NEK11: variants seen among roughly 807,000 people sequenced by gnomAD.
NEK11 encodes the protein serine/threonine-protein kinase Nek11.
In NEK11, 72 loss-of-function variants were observed where a neutral mutation model predicts 80.7. That is an observed-to-expected ratio of 0.89 (90% CI 0.74 to 1.08). The LOEUF (loss-of-function observed/expected upper bound fraction) is 1.08, where lower values mean the gene tolerates loss of function less well. NEK11 is among the 50% of genes least tolerant of loss of function. NEK11 has a pLI of 0.00. For missense variants in NEK11, 764 were observed against 763.6 expected (o/e 1.00, Z -0.01); for synonymous variants, 251 against 260.7 (o/e 0.96, Z 0.36).
At chr3:131,049,900 G>T (rs2068066310) in intron 3 of NEK11, among the ~76,000 whole-genome samples, 1 of 151,490 alleles carries the variant, frequency 6.6e-6, no homozygotes, top group Admixed American at 6.6e-5. Flanking sequence ...GTTGTTGCTT[G>T]TGACAACACT....
At chr3:131,257,882 A>C (rs138432478) in intron 16 of NEK11, among the ~76,000 whole-genome samples, 1 of 152,304 alleles carries the variant, frequency 6.6e-6, no homozygotes, top group Non-Finnish European at 1.5e-5. Flanking sequence ...ATGCATGTTT[A>C]TAGCAGCGAT....
intron 3 of NEK11, among the ~76,000 whole-genome samples, chr3:131,076,522 A>G (rs1167163615): frequency 6.6e-6 from 1 of 152,078 alleles, no homozygotes; most frequent in African/African-American, 2.4e-5. Flanking sequence ...AAATCTTAAA[A>G]CCCCTGATTA....
At chr3:131,121,608 C>T (rs1207211100) in intron 5 of NEK11, among the ~76,000 whole-genome samples, 1 of 152,168 alleles carries the variant, frequency 6.6e-6, no homozygotes, top group Non-Finnish European at 1.5e-5. Context: ...GGCAGGCAGG[C>T]CTCCTTGAAC....
intron 14 of NEK11, among the ~76,000 whole-genome samples, chr3:131,178,086 A>G (rs1204061065): frequency 6.6e-6 from 1 of 152,218 alleles, no homozygotes; most frequent in Non-Finnish European, 1.5e-5. Context: ...AACACAGAAA[A>G]TAGACAGTAA....
chr3:131,103,657 T>C (rs2078729504), intron 4 of NEK11, among the ~76,000 whole-genome samples: 1 of 152,146 alleles, frequency 6.6e-6, no homozygotes, highest in Non-Finnish European at 1.5e-5. Context: ...TGCATTTCTT[T>C]TGTTAGATGT....
intron 12 of NEK11, among the ~76,000 whole-genome samples, chr3:131,165,820 T>G (rs536015142): frequency 8.5e-5 from 13 of 152,188 alleles, no homozygotes; most frequent in Non-Finnish European, 1.5e-4. Flanking sequence ...ACAGAACAAA[T>G]GTGTGTATAT....
At chr3:131,112,866 G>A (rs1292859028) in intron 5 of NEK11, among the ~76,000 whole-genome samples, 1 of 152,166 alleles carries the variant, frequency 6.6e-6, no homozygotes, top group East Asian at 1.9e-4. Flanking sequence ...TGCAAAGGTA[G>A]GCTGAGGTCA....
chr3:131,303,909 G>C (rs922600749), intron 17 of NEK11, among the ~76,000 whole-genome samples: 2 of 152,084 alleles, frequency 1.3e-5, no homozygotes, highest in African/African-American at 4.8e-5. Context: ...TAGCAAGGTG[G>C]GGAAAATTTT....
At chr3:131,034,494 G>A (rs974585086) in intron 3 of NEK11, among the ~76,000 whole-genome samples, 2 of 152,116 alleles carry the variant, frequency 1.3e-5, no homozygotes, top group African/African-American at 4.8e-5. Context: ...CCGCCTCCCG[G>A]CTTCACGCCA....
intron 17 of NEK11, among the ~76,000 whole-genome samples, chr3:131,308,779 G>A (rs545763237): frequency 5.3e-4 from 80 of 152,184 alleles, no homozygotes; most frequent in African/African-American, 1.6e-3. Context: ...ATCATCTAAC[G>A]CAGCTGTCCC....
chr3:131,246,552 A>G (rs1247173269), intron 16 of NEK11, among the ~76,000 whole-genome samples: 2 of 152,176 alleles, frequency 1.3e-5, no homozygotes, highest in Non-Finnish European at 2.9e-5. Flanking sequence ...TATTTTTGCA[A>G]TTGCAAATTG....
intron 4 of NEK11, among the ~76,000 whole-genome samples, chr3:131,090,717 G>A (rs546577759): frequency 7.9e-5 from 12 of 152,256 alleles, no homozygotes; most frequent in Admixed American, 3.3e-4. Flanking sequence ...ATCTTTGAGT[G>A]ACTTGTCTAT....
intron 14 of NEK11, among the ~76,000 whole-genome samples, chr3:131,173,160 C>T (rs1193564602): frequency 1.3e-5 from 2 of 152,180 alleles, no homozygotes; most frequent in Non-Finnish European, 2.9e-5. Context: ...CATGCCACTG[C>T]TCTGCTCATG....
intron 13 of NEK11, among the ~76,000 whole-genome samples, chr3:131,170,202 G>A (rs374327712): frequency 6.6e-6 from 1 of 151,970 alleles, no homozygotes; most frequent in South Asian, 2.1e-4. Flanking sequence ...CAAAACTAAG[G>A]GAAAAAGGCA....
At chr3:131,057,559 G>A (rs2069818875) in intron 3 of NEK11, among the ~76,000 whole-genome samples, 1 of 152,022 alleles carries the variant, frequency 6.6e-6, no homozygotes, top group African/African-American at 2.4e-5. Flanking sequence ...GTTGTTTCCT[G>A]ACTTTTTAAT....
At chr3:131,242,887 A>G (rs891830971) in intron 15 of NEK11, among the ~76,000 whole-genome samples, 1 of 152,080 alleles carries the variant, frequency 6.6e-6, no homozygotes, top group African/African-American at 2.4e-5. Flanking sequence ...GATTTCCCCA[A>G]CCGTTATGGG....
intron 14 of NEK11, among the ~76,000 whole-genome samples, chr3:131,192,051 G>A (rs1443694350): frequency 6.6e-6 from 1 of 151,988 alleles, no homozygotes; most frequent in Non-Finnish European, 1.5e-5. Flanking sequence ...TCCAATAAGG[G>A]ATTAATATCC....
intron 16 of NEK11, among the ~76,000 whole-genome samples, chr3:131,271,973 G>A (rs917802756): frequency 6.6e-6 from 1 of 151,872 alleles, no homozygotes; most frequent in Non-Finnish European, 1.5e-5. Flanking sequence ...GGTGGCGCAC[G>A]CCTGTAATCC....
At chr3:131,275,798 C>T (rs1011379701) in intron 17 of NEK11, among the ~76,000 whole-genome samples, 2 of 152,160 alleles carry the variant, frequency 1.3e-5, no homozygotes, top group Non-Finnish European at 2.9e-5. Flanking sequence ...TGGATGGCAA[C>T]TATTGGGATG....
Sources: allele counts gnomAD v4.1 joint callset (sites outside exome capture counted in the v4.1 genomes callset), GRCh38; gene constraint gnomAD v4.1.1; transcripts MANE v1.5; gene names NCBI Gene and HGNC (gene_info 2026-07-23, HGNC 2026-07-21).